The following FAM83A variants were observed in gnomAD, a reference collection of about 807,000 sequenced individuals.
FAM83A encodes the protein protein FAM83A.
Under a neutral mutation model 24.4 loss-of-function variants are expected in FAM83A, and 21 were observed. The ratio of observed to expected loss-of-function variants is 0.86; its 90% CI spans 0.61 to 1.24. The LOEUF (loss-of-function observed/expected upper bound fraction) is 1.24. Ranked by LOEUF, FAM83A falls within the 50% of genes most tolerant of loss-of-function variation. The pLI, the probability that FAM83A is intolerant of heterozygous loss-of-function variation, is 0.00. For synonymous variants in FAM83A, 270 were observed against 252.4 expected, an observed-to-expected ratio of 1.07 and a Z score of -0.66; for missense variants, 617 against 579.8, an observed-to-expected ratio of 1.06 and a Z score of -0.66.
At chr8:123,208,904 C>T in exon 4 of FAM83A, 1 of 970,964 alleles carries the variant, frequency 1.0e-6, no homozygotes. Context: ...GCAGAGGTTG[C>T]AATGAGCTGA....
At chr8:123,206,688 A>C (rs1279604694) in intron 3 of FAM83A, among the ~76,000 whole-genome samples, 1 of 151,828 alleles carries the variant, frequency 6.6e-6, no homozygotes, top group African/African-American at 2.4e-5. Flanking sequence ...TTAATTATTC[A>C]CCCGCAAACA....
chr8:123,193,454 T>A (rs886526225), intron 2 of FAM83A, among the ~76,000 whole-genome samples: 4 of 152,216 alleles, frequency 2.6e-5, no homozygotes, highest in African/African-American at 7.2e-5. Flanking sequence ...ACCTTCCTTT[T>A]TTTTTGTTGC....
chr8:123,202,530 C>T (rs1824398591), intron 3 of FAM83A: 1 of 152,736 alleles, frequency 6.5e-6, no homozygotes, highest in South Asian at 2.1e-4. Flanking sequence ...AGGTCAGGGA[C>T]TGGACTGGGT....
chr8:123,184,551 C>T (rs1300820549), intron 1 of FAM83A, among the ~76,000 whole-genome samples: 1 of 151,998 alleles, frequency 6.6e-6, no homozygotes, highest in Non-Finnish European at 1.5e-5. Flanking sequence ...TTTCAGGCAC[C>T]GTGAGAGCTG....
At chr8:123,194,385 G>T (rs1414219612) in intron 3 of FAM83A, among the ~76,000 whole-genome samples, 1 of 152,166 alleles carries the variant, frequency 6.6e-6, no homozygotes, top group African/African-American at 2.4e-5. Flanking sequence ...CCTTGATATT[G>T]CAATAGGACG....
intron 3 of FAM83A, among the ~76,000 whole-genome samples, chr8:123,206,910 G>GTCC (rs201332673): frequency 4.6e-5 from 7 of 151,112 alleles, no homozygotes; most frequent in Non-Finnish European, 7.4e-5. Context: ...CCTCCTATCT[G>GTCC]TCCTCCTCCT....
upstream of FAM83A, chr8:123,182,132 G>C (rs1261750353): frequency 4.4e-6 from 2 of 456,068 alleles, no homozygotes; most frequent in Non-Finnish European, 8.8e-6. Flanking sequence ...GTTGGCCTGA[G>C]AACTGGAACC....
exon 4 of FAM83A, chr8:123,207,373 G>GTCCTCCAAC: frequency 6.2e-7 from 1 of 1,611,464 alleles, no homozygotes; most frequent in South Asian, 1.1e-5. Flanking sequence ...GTGACCGCAC[G>GTCCTCCAAC]TCCTCCAACC....
chr8:123,183,993 G>A lies in FAM83A; in HGVS notation c.480+657G>A, dbSNP rs140733219. 6.6e-5 allele frequency among the ~76,000 whole-genome samples: 10 copies of A among 152,212 alleles called. No individual in the cohort carries two copies. The East Asian group carries it at 1.9e-3, about 29-fold the overall frequency. ...TTACAGGTGTGAGCCCCAGTGCCCT[G>A]CAACCTTTTCTGTACGACAAATCTA... On this transcript the variant is annotated intron_variant, in intron 1 of 3. Coordinates refer to ENST00000690554, the Ensembl canonical transcript of FAM83A.
intron 1 of FAM83A, among the ~76,000 whole-genome samples, chr8:123,187,005 C>G (rs1191565072): frequency 6.6e-6 from 1 of 152,034 alleles, no homozygotes; most frequent in Non-Finnish European, 1.5e-5. Flanking sequence ...ACCCTCGGTG[C>G]CTGGAAGTGG....
At position 123,209,197 on chromosome 8, in the gene FAM83A, A is replaced by C. The variant is rs1824656096; in HGVS notation, c.*1509A>C. The C allele has an allele frequency of 1.0e-5, 12 of 1,154,096 alleles. No homozygotes were observed. The highest frequency in any genetic ancestry group is 1.3e-5 in the Non-Finnish European group (12 of 941,626). 71.5% of individuals were successfully genotyped at this position (1,154,096 alleles called of 1,614,324 possible). A position where few individuals can be genotyped will look rare whatever the true frequency, so the allele number is the denominator to read the frequency against. On this transcript the variant is annotated 3_prime_UTR_variant, in exon 4 of 4. Transcript: ENST00000690554. This position sits in a 1 kb window ranked among gnomAD's most constrained non-coding sequence, Gnocchi z 4.7. ...CTCCCTTGTCGGTTTTTGGCGGGGA[A>C]GCTCAGCCTTCGCTGTGGAGGGACG...
chr8:123,198,897 C>T (rs555452508), intron 3 of FAM83A, among the ~76,000 whole-genome samples: 159 of 152,154 alleles, frequency 1.0e-3, no homozygotes, highest in Non-Finnish European at 1.8e-3. Flanking sequence ...CCACCACACC[C>T]GGGTAATTGT....
chr8:123,188,681 C>T (rs560610886), intron 1 of FAM83A, among the ~76,000 whole-genome samples: 1 of 152,102 alleles, frequency 6.6e-6, no homozygotes, highest in Non-Finnish European at 1.5e-5. Context: ...TGGGGTTTCG[C>T]CAAGTTGCCC....
At chr8:123,195,410 C>T (rs531316577) in intron 3 of FAM83A, among the ~76,000 whole-genome samples, 9 of 152,014 alleles carry the variant, frequency 5.9e-5, no homozygotes, top group African/African-American at 9.7e-5. Flanking sequence ...GAAGGGAGGG[C>T]GGAAAAACCC....
intron 3 of FAM83A, among the ~76,000 whole-genome samples, chr8:123,198,890 C>T (rs753158482): frequency 1.3e-5 from 2 of 152,132 alleles, no homozygotes; most frequent in East Asian, 1.9e-4. Flanking sequence ...GCGTGCACCA[C>T]CACACCCGGG....
At chr8:123,204,260 AT>A (rs1340721830) in intron 3 of FAM83A, among the ~76,000 whole-genome samples, 4 of 152,180 alleles carry the variant, frequency 2.6e-5, no homozygotes, top group Non-Finnish European at 4.4e-5. Flanking sequence ...CCCCAAAAAA[AT>A]TTTTTTAAGA....
At chr8:123,195,136 G>A (rs1824104593) in intron 3 of FAM83A, among the ~76,000 whole-genome samples, 1 of 152,220 alleles carries the variant, frequency 6.6e-6, no homozygotes, top group Admixed American at 6.5e-5. Context: ...ATTTGTTTAG[G>A]AAGGTGATGA....
At chr8:123,190,201 A>AAAAGAAAGAAAGAAAGAAG (rs1823924953) in intron 1 of FAM83A, among the ~76,000 whole-genome samples, 1 of 152,086 alleles carries the variant, frequency 6.6e-6, no homozygotes, top group Non-Finnish European at 1.5e-5. Context: ...GAAAAGAAAG[A>AAAAGAAAGAAAGAAAGAAG]AAAGAAAGAA....
chr8:123,202,627 A>G (rs1258073698), intron 3 of FAM83A: 1 of 152,668 alleles, frequency 6.6e-6, no homozygotes, highest in Non-Finnish European at 1.5e-5. Flanking sequence ...TATTTGTTGA[A>G]TGAATGAATA....
Sources: gnomAD v4.1 joint callset for allele counts (sites outside exome capture counted in the v4.1 genomes callset) on GRCh38, gnomAD v4.1.1 for gene constraint, Gnocchi (gnomAD v3.1) non-coding constraint, MANE v1.5 for transcripts, NCBI Gene and HGNC (gene_info 2026-07-23, HGNC 2026-07-21) for gene names.